FHIT: variants seen among roughly 807,000 people sequenced by gnomAD.
The protein encoded by FHIT is bis(5'-adenosyl)-triphosphatase.
Under a neutral mutation model 17.9 loss-of-function variants are expected in FHIT, and 19 were observed. That is an observed-to-expected ratio of 1.06 (90% CI 0.74 to 1.56). FHIT has a LOEUF of 1.56. FHIT is among the 40% of genes most tolerant of loss of function. The pLI is 0.00. For missense variants in FHIT, 248 were observed against 189.2 expected, an observed-to-expected ratio of 1.31 and a Z score of -1.82; for synonymous variants, 81 against 69.7, an observed-to-expected ratio of 1.16 and a Z score of -0.81.
chr3:60,284,356 C>T (rs1012879693), intron 5 of FHIT, among the ~76,000 whole-genome samples: 2 of 152,084 alleles, frequency 1.3e-5, no homozygotes, highest in East Asian at 1.9e-4. Context: ...AAAATATCCT[C>T]ACTGAACACA....
Position 60,918,728 on chromosome 3 carries a change from T to C in FHIT, c.-110-96717A>G, listed in dbSNP as rs116743847. 4.8e-3 allele frequency among the ~76,000 whole-genome samples: 736 copies of C among 152,326 alleles called. 4 individuals are homozygous for C. The highest frequency in any genetic ancestry group is 0.016 in the African/African-American group (686 of 41,586). On this transcript the variant is annotated intron_variant, in intron 3 of 9. Coordinates refer to ENST00000492590, the MANE Select transcript of FHIT (RefSeq NM_002012.4). ...CAAAGCATGGAACCTTGGTGTTACA[T>C]GGTCCACTGACAGGACAAACCAAAG...
intron 3 of FHIT, among the ~76,000 whole-genome samples, chr3:61,030,796 A>G (rs1024287185): frequency 7.9e-5 from 12 of 152,138 alleles, no homozygotes; most frequent in Admixed American, 6.6e-4. Context: ...ATTAAAGGAG[A>G]GGCAGGCCGT....
At chr3:60,374,717 C>A (rs1478258700) in intron 5 of FHIT, among the ~76,000 whole-genome samples, 18 of 151,750 alleles carry the variant, frequency 1.2e-4, no homozygotes, top group Admixed American at 1.2e-3. Flanking sequence ...ACCTGTGCAG[C>A]CCGAAGTCAA....
chr3:59,870,889 G>A (rs1702892646), intron 8 of FHIT, among the ~76,000 whole-genome samples: 1 of 151,900 alleles, frequency 6.6e-6, no homozygotes, highest in African/African-American at 2.4e-5. Flanking sequence ...GTGTGTGTGT[G>A]TGTATTTAAC....
intron 7 of FHIT, among the ~76,000 whole-genome samples, chr3:59,951,439 G>A (rs1707111619): frequency 6.6e-6 from 1 of 152,188 alleles, no homozygotes; most frequent in African/African-American, 2.4e-5. Flanking sequence ...GAGGTAAAAT[G>A]GGGTATAAAA....
At chr3:60,979,898 T>C (rs987160829) in intron 3 of FHIT, among the ~76,000 whole-genome samples, 2 of 152,236 alleles carry the variant, frequency 1.3e-5, no homozygotes, top group African/African-American at 2.4e-5. Flanking sequence ...TCTTATTAGA[T>C]TGAGCCACAT....
intron 7 of FHIT, among the ~76,000 whole-genome samples, chr3:59,954,736 C>T (rs1404389478): frequency 1.3e-5 from 2 of 152,118 alleles, no homozygotes; most frequent in Non-Finnish European, 2.9e-5. Flanking sequence ...TGTTTCAGGG[C>T]TTCCTTTTAG....
chr3:60,638,029 CAATG>C (rs2039632608), intron 4 of FHIT, among the ~76,000 whole-genome samples: 1 of 152,104 alleles, frequency 6.6e-6, no homozygotes, highest in Admixed American at 6.5e-5. Flanking sequence ...TCAATAAAAA[CAATG>C]AAAGTGGTAG....
intron 8 of FHIT, among the ~76,000 whole-genome samples, chr3:59,818,932 A>C (rs1160963196): frequency 6.6e-6 from 1 of 152,144 alleles, no homozygotes; most frequent in Admixed American, 6.5e-5. Flanking sequence ...TCGGCTTCTT[A>C]TTTTTTGCAA....
chr3:60,223,840 C>T (rs1000462366), intron 5 of FHIT, among the ~76,000 whole-genome samples: 1 of 152,110 alleles, frequency 6.6e-6, no homozygotes, highest in Non-Finnish European at 1.5e-5. Flanking sequence ...GTCACAGTCA[C>T]TCCATGGCTG....
chr3:59,964,882 C>T (rs1261541539), intron 7 of FHIT, among the ~76,000 whole-genome samples: 3 of 152,086 alleles, frequency 2.0e-5, no homozygotes. Context: ...TTAGGCTCAG[C>T]ATCTTAAACT....
At chr3:59,940,181 C>T (rs1706443801) in intron 7 of FHIT, among the ~76,000 whole-genome samples, 1 of 152,102 alleles carries the variant, frequency 6.6e-6, no homozygotes, top group Middle Eastern at 3.2e-3. Flanking sequence ...CTGCAAAATA[C>T]CCAGACTAGT....
intron 5 of FHIT, among the ~76,000 whole-genome samples, chr3:60,454,336 T>C (rs977473836): frequency 6.6e-6 from 1 of 152,004 alleles, no homozygotes; most frequent in Non-Finnish European, 1.5e-5. Context: ...CACAAGTCCT[T>C]GAGCTCACAA....
At chr3:60,360,044 GA>G (rs908607986) in intron 5 of FHIT, among the ~76,000 whole-genome samples, 1 of 148,308 alleles carries the variant, frequency 6.7e-6, no homozygotes, top group African/African-American at 2.5e-5. Flanking sequence ...CCCTGCTTTG[GA>G]AAAAGAATAC....
rs17062655 is a variant in FHIT, at chr3:60,272,533, G to A, written c.104-258381C>T. Among the ~76,000 whole-genome samples the A allele has an allele frequency of 6.2e-3, 940 of 152,194 alleles. 8 individuals are homozygous for A. The highest frequency in any genetic ancestry group is 0.02 in the African/African-American group (835 of 41,540). On this transcript the variant is annotated intron_variant, in intron 5 of 9. Coordinates refer to ENST00000492590, the MANE Select transcript of FHIT (RefSeq NM_002012.4). ...TTAATGATACTCTACCAATTCCCCC[G>A]GTGTGAAAACATATCAAATCTTGAG...
At chr3:60,190,891 C>G (rs796454389) in intron 5 of FHIT, among the ~76,000 whole-genome samples, 2 of 151,844 alleles carry the variant, frequency 1.3e-5, no homozygotes, top group African/African-American at 4.8e-5. Context: ...TGCAGTGAGC[C>G]GAGATTGCAC....
At chr3:59,893,058 G>A (rs1703921932) in intron 8 of FHIT, among the ~76,000 whole-genome samples, 1 of 152,210 alleles carries the variant, frequency 6.6e-6, no homozygotes, top group Admixed American at 6.5e-5. Flanking sequence ...TCATAAATAT[G>A]TAGTCAGTTG....
At chr3:60,489,805 T>C (rs969738296) in intron 5 of FHIT, among the ~76,000 whole-genome samples, 8 of 152,114 alleles carry the variant, frequency 5.3e-5, no homozygotes, top group African/African-American at 9.6e-5. Flanking sequence ...CCTGTTTTCA[T>C]AGCCAAAAGA....
At chr3:60,301,215 A>G (rs967024651) in intron 5 of FHIT, among the ~76,000 whole-genome samples, 1 of 152,164 alleles carries the variant, frequency 6.6e-6, no homozygotes, top group Non-Finnish European at 1.5e-5. Flanking sequence ...ATATTTCATA[A>G]TAGGAAAATA....
Sources: allele counts gnomAD v4.1 joint callset (sites outside exome capture counted in the v4.1 genomes callset), GRCh38; gene constraint gnomAD v4.1.1; transcripts MANE v1.5; gene names NCBI Gene and HGNC (gene_info 2026-07-23, HGNC 2026-07-21).